The following KCNQ5 variants were observed in gnomAD, a reference collection of about 807,000 sequenced individuals.
KCNQ5 encodes potassium voltage-gated channel subfamily Q member 5.
KCNQ5 carries 30 observed loss-of-function variants against 98.2 expected under a neutral mutation model. The observed-to-expected ratio is 0.31, with a 90% CI of 0.23 to 0.41. KCNQ5 has a LOEUF of 0.41. KCNQ5 is among the 10% of genes least tolerant of loss of function. KCNQ5 has a pLI of 1.00. For synonymous variants in KCNQ5, 458 were observed against 449.4 expected, an observed-to-expected ratio of 1.02 and a Z score of -0.24; for missense variants, 835 against 1,182.5, an observed-to-expected ratio of 0.71 and a Z score of 4.31.
chr6:72,785,477 C>G (rs1289074162), intron 1 of KCNQ5, among the ~76,000 whole-genome samples: 1 of 151,912 alleles, frequency 6.6e-6, no homozygotes, highest in Non-Finnish European at 1.5e-5. Flanking sequence ...AGTGATACCC[C>G]ATCTCTACTA....
intron 11 of KCNQ5, among the ~76,000 whole-genome samples, chr6:73,181,488 C>T (rs1778403121): frequency 6.6e-6 from 1 of 152,202 alleles, no homozygotes; most frequent in Non-Finnish European, 1.5e-5. Context: ...TTCAGCACTC[C>T]CTTTCTCTTC....
chr6:73,133,821 G>A, intron 10 of KCNQ5, 180 bp downstream of exon 10: 2 of 761,784 alleles, frequency 2.6e-6, no homozygotes, highest in South Asian at 1.5e-5. Context: ...CAGAACATAA[G>A]TTTACTTTTG....
intron 1 of KCNQ5, among the ~76,000 whole-genome samples, chr6:72,980,483 A>AT (rs1425993180): frequency 6.6e-6 from 1 of 151,984 alleles, no homozygotes; most frequent in Non-Finnish European, 1.5e-5. Flanking sequence ...TTTGTCTGTT[A>AT]TTGGTGTATA....
intron 1 of KCNQ5, among the ~76,000 whole-genome samples, chr6:72,848,417 G>A (rs937775123): frequency 3.9e-5 from 6 of 151,988 alleles, no homozygotes; most frequent in Non-Finnish European, 7.4e-5. Flanking sequence ...TAAAGTTTAC[G>A]CATGACAAGA....
chr6:72,911,948 G>T (rs1370382849), intron 1 of KCNQ5, among the ~76,000 whole-genome samples: 2 of 152,128 alleles, frequency 1.3e-5, no homozygotes, highest in African/African-American at 2.4e-5. Flanking sequence ...CTGGAGGCTT[G>T]CCCATTTATT....
At chr6:72,774,748 T>G (rs755573282) in intron 1 of KCNQ5, among the ~76,000 whole-genome samples, 6 of 152,154 alleles carry the variant, frequency 3.9e-5, no homozygotes, top group Non-Finnish European at 7.4e-5. Context: ...TCGGCTTAAT[T>G]AGTTATCAGT....
At chr6:73,128,848 T>G (rs1010474354) in intron 9 of KCNQ5, among the ~76,000 whole-genome samples, 1 of 152,198 alleles carries the variant, frequency 6.6e-6, no homozygotes, top group Non-Finnish European at 1.5e-5. Context: ...ATTTTTATAT[T>G]ACATTACACT....
At chr6:72,929,410 A>G (rs1357328330) in intron 1 of KCNQ5, among the ~76,000 whole-genome samples, 1 of 151,134 alleles carries the variant, frequency 6.6e-6, no homozygotes, top group Non-Finnish European at 1.5e-5. Flanking sequence ...GTGCACTCTC[A>G]GTTGTCTGGG....
intron 10 of KCNQ5, among the ~76,000 whole-genome samples, chr6:73,163,415 A>G (rs1290244197): frequency 1.3e-5 from 2 of 152,072 alleles, no homozygotes; most frequent in Non-Finnish European, 2.9e-5. Context: ...ATAATAATCA[A>G]TAACCATACA....
intron 10 of KCNQ5, among the ~76,000 whole-genome samples, chr6:73,152,670 A>T (rs1234254134): frequency 6.6e-6 from 1 of 152,098 alleles, no homozygotes; most frequent in African/African-American, 2.4e-5. Flanking sequence ...CTCATAATAA[A>T]ATGTTGGAGA....
intron 1 of KCNQ5, among the ~76,000 whole-genome samples, chr6:72,885,240 A>T (rs1346769097): frequency 6.6e-6 from 1 of 152,230 alleles, no homozygotes; most frequent in Non-Finnish European, 1.5e-5. Context: ...AGCTTCATAC[A>T]TCAGTGCATT....
At chr6:73,156,126 G>A (rs1316081473) in intron 10 of KCNQ5, among the ~76,000 whole-genome samples, 2 of 152,168 alleles carry the variant, frequency 1.3e-5, no homozygotes, top group Admixed American at 6.5e-5. Context: ...GATATTTAAG[G>A]TTTTGAGAAA....
intron 3 of KCNQ5, among the ~76,000 whole-genome samples, chr6:73,075,656 T>C (rs1458372743): frequency 1.3e-5 from 2 of 152,218 alleles, no homozygotes; most frequent in Non-Finnish European, 2.9e-5. Flanking sequence ...CACATTTAGT[T>C]CCTTCTTGTT....
At chr6:72,638,809 C>A (rs1347774990) in intron 1 of KCNQ5, among the ~76,000 whole-genome samples, 1 of 152,114 alleles carries the variant, frequency 6.6e-6, no homozygotes, top group East Asian at 1.9e-4. Context: ...CTACAGTAAG[C>A]ATCTGGTAGT....
intron 2 of KCNQ5, among the ~76,000 whole-genome samples, chr6:73,018,165 TG>T (rs1276366696): frequency 6.6e-6 from 1 of 152,150 alleles, no homozygotes; most frequent in Non-Finnish European, 1.5e-5. Context: ...CTGGAGAATT[TG>T]TGAGTTAATT....
chr6:73,058,931 A>G (rs1195506753), intron 3 of KCNQ5, among the ~76,000 whole-genome samples: 1 of 152,196 alleles, frequency 6.6e-6, no homozygotes, highest in Admixed American at 6.5e-5. Context: ...TGGCAAGGTT[A>G]TGGAGAAAAA....
intron 10 of KCNQ5, among the ~76,000 whole-genome samples, chr6:73,145,310 C>T (rs1776879357): frequency 1.3e-5 from 2 of 152,196 alleles, no homozygotes; most frequent in Admixed American, 1.3e-4. Flanking sequence ...CCACATAATT[C>T]AGTCTAAATG....
chr6:73,110,420 G>A (rs1378445347), intron 6 of KCNQ5, among the ~76,000 whole-genome samples: 1 of 152,146 alleles, frequency 6.6e-6, no homozygotes, highest in Non-Finnish European at 1.5e-5. Flanking sequence ...TGAAAAGAGT[G>A]GGGGACATCA....
intron 1 of KCNQ5, chr6:72,630,619 C>T (rs545356680): frequency 8.6e-5 from 13 of 151,772 alleles, no homozygotes; most frequent in Non-Finnish European, 1.5e-5. Flanking sequence ...TATAAAATAT[C>T]AGTACCAGTT....
Sources: allele counts gnomAD v4.1 joint callset (sites outside exome capture counted in the v4.1 genomes callset), GRCh38; gene constraint gnomAD v4.1.1; transcripts MANE v1.5; gene names NCBI Gene and HGNC (gene_info 2026-07-23, HGNC 2026-07-21).